LRMDA: variants seen among roughly 807,000 people sequenced by gnomAD.
The protein encoded by LRMDA is leucine-rich melanocyte differentiation-associated protein.
In LRMDA, 18 loss-of-function variants were observed where a neutral mutation model predicts 29.8. The observed-to-expected ratio is 0.60, with a 90% CI of 0.42 to 0.90. The LOEUF is 0.90. LRMDA is among the 40% of genes least tolerant of loss of function. The probability of loss-of-function intolerance (pLI) is 0.00; values close to 1 mark genes in which losing one functional copy is unlikely to be tolerated. For synonymous variants in LRMDA, 125 were observed against 109.4 expected (o/e 1.14, Z -0.89); for missense variants, 273 against 273.9 (o/e 1.00, Z 0.02).
chr10:75,485,869 T>G (rs1226570698), intron 2 of LRMDA, among the ~76,000 whole-genome samples: 1 of 152,244 alleles, frequency 6.6e-6, no homozygotes, highest in East Asian at 1.9e-4. Flanking sequence ...TGAGCCACTG[T>G]GCCCAGCTGC....
At chr10:76,237,987 T>C (rs1273475918) in intron 5 of LRMDA, among the ~76,000 whole-genome samples, 1 of 151,790 alleles carries the variant, frequency 6.6e-6, no homozygotes, top group Admixed American at 6.6e-5. Context: ...GATGGGGTTT[T>C]GCCATATTGG....
intron 2 of LRMDA, among the ~76,000 whole-genome samples, chr10:75,924,073 T>C (rs758333192): frequency 5.3e-5 from 8 of 152,228 alleles, no homozygotes; most frequent in Non-Finnish European, 7.3e-5. Context: ...CATTTTCATA[T>C]GTGTCTCAGC....
intron 2 of LRMDA, among the ~76,000 whole-genome samples, chr10:75,465,032 T>G (rs1396181591): frequency 1.3e-5 from 2 of 152,210 alleles, no homozygotes; most frequent in Non-Finnish European, 2.9e-5. Context: ...CTTCTTCCTT[T>G]CAGATTCTGT....
intron 2 of LRMDA, among the ~76,000 whole-genome samples, chr10:75,672,278 C>A (rs993100932): frequency 1.3e-5 from 2 of 152,050 alleles, no homozygotes; most frequent in African/African-American, 4.8e-5. Context: ...TCTACCCAGA[C>A]AAGCCCGGAA....
intron 2 of LRMDA, among the ~76,000 whole-genome samples, chr10:75,556,538 T>C (rs1249221280): frequency 2.0e-5 from 3 of 152,210 alleles, no homozygotes; most frequent in Non-Finnish European, 4.4e-5. Flanking sequence ...TGGACACTTA[T>C]CCTCAGCAAG....
chr10:76,048,759 G>C (rs1294366356), intron 4 of LRMDA, among the ~76,000 whole-genome samples: 1 of 152,130 alleles, frequency 6.6e-6, no homozygotes, highest in Non-Finnish European at 1.5e-5. Context: ...TTCCTTTACT[G>C]TCTCACACCA....
chr10:76,085,351 G>A (rs1429867786), intron 5 of LRMDA, among the ~76,000 whole-genome samples: 2 of 152,208 alleles, frequency 1.3e-5, no homozygotes, highest in Non-Finnish European at 2.9e-5. Flanking sequence ...GGACCTGGGG[G>A]ATACTGGACA....
chr10:75,910,032 C>A (rs1845818177), intron 2 of LRMDA, among the ~76,000 whole-genome samples: 1 of 152,164 alleles, frequency 6.6e-6, no homozygotes, highest in East Asian at 1.9e-4. Flanking sequence ...TTAGGAGGGA[C>A]TGGAATTTTT....
At chr10:75,734,478 G>C (rs144916225) in intron 2 of LRMDA, among the ~76,000 whole-genome samples, 2 of 152,170 alleles carry the variant, frequency 1.3e-5, no homozygotes, top group East Asian at 3.8e-4. Context: ...GGTCCCTACT[G>C]TTTAGACTAG....
intron 5 of LRMDA, among the ~76,000 whole-genome samples, chr10:76,223,562 T>A (rs1851889194): frequency 6.6e-6 from 1 of 152,168 alleles, no homozygotes; most frequent in Non-Finnish European, 1.5e-5. Flanking sequence ...AGTGATTAAG[T>A]CATGAGGGTG....
At chr10:75,661,020 A>G (rs921101620) in intron 2 of LRMDA, among the ~76,000 whole-genome samples, 7 of 152,200 alleles carry the variant, frequency 4.6e-5, no homozygotes, top group Admixed American at 2.0e-4. Flanking sequence ...AGCCACAGAG[A>G]AGGCTACCCA....
At chr10:76,243,143 C>T (rs1011844420) in intron 5 of LRMDA, among the ~76,000 whole-genome samples, 8 of 152,114 alleles carry the variant, frequency 5.3e-5, no homozygotes, top group East Asian at 1.9e-4. Context: ...TTCTCCCGTC[C>T]GTATCACGAC....
At chr10:75,974,610 C>A (rs981192115) in intron 2 of LRMDA, among the ~76,000 whole-genome samples, 1 of 152,152 alleles carries the variant, frequency 6.6e-6, no homozygotes, top group East Asian at 1.9e-4. Flanking sequence ...ATCCTCCCAG[C>A]AGCTCAATGA....
intron 2 of LRMDA, among the ~76,000 whole-genome samples, chr10:75,764,101 C>A (rs1843130886): frequency 6.6e-6 from 1 of 152,138 alleles, no homozygotes; most frequent in African/African-American, 2.4e-5. Flanking sequence ...AGATTTATTT[C>A]ATGCTTGCTT....
intron 2 of LRMDA, among the ~76,000 whole-genome samples, chr10:75,698,089 G>T (rs568632967): frequency 3.3e-5 from 5 of 152,278 alleles, no homozygotes; most frequent in Admixed American, 2.0e-4. Flanking sequence ...TCACATAGCT[G>T]GGAAATGATG....
At chr10:75,617,816 A>G (rs745732048) in intron 2 of LRMDA, among the ~76,000 whole-genome samples, 10 of 152,240 alleles carry the variant, frequency 6.6e-5, no homozygotes, top group Admixed American at 2.0e-4. Context: ...TCACACCACA[A>G]TCTATCCATG....
At chr10:76,108,963 A>T (rs1261319560) in intron 5 of LRMDA, among the ~76,000 whole-genome samples, 3 of 152,228 alleles carry the variant, frequency 2.0e-5, no homozygotes, top group Non-Finnish European at 4.4e-5. Flanking sequence ...TACTTGTTCT[A>T]CAATGGGCAG....
At chr10:76,033,511 C>T (rs552194104) in intron 2 of LRMDA, among the ~76,000 whole-genome samples, 5 of 152,112 alleles carry the variant, frequency 3.3e-5, no homozygotes, top group Non-Finnish European at 7.4e-5. Context: ...CCTGGGCTCT[C>T]CCCATCTTCA....
chr10:76,318,727 C>T (rs891094428), intron 5 of LRMDA: 1 of 152,256 alleles, frequency 6.6e-6, no homozygotes, highest in African/African-American at 2.4e-5. Context: ...GTCAGTGACA[C>T]CTTCTCTCTT....
Sources: allele counts gnomAD v4.1 joint callset (sites outside exome capture counted in the v4.1 genomes callset), GRCh38; gene constraint gnomAD v4.1.1; transcripts MANE v1.5; gene names NCBI Gene and HGNC (gene_info 2026-07-23, HGNC 2026-07-21).